Variants in TCF20 observed in about 807,000 individuals in gnomAD.
TCF20 encodes the protein transcription factor 20.
TCF20 carries 3 observed loss-of-function variants against 148.6 expected under a neutral mutation model. The ratio of observed to expected loss-of-function variants is 0.02; its 90% confidence interval spans 0.01 to 0.05. The LOEUF is 0.05. Among genes scored for constraint, TCF20 ranks in the 10% least tolerant of loss-of-function variants. The probability of loss-of-function intolerance (pLI) is 1.00; values close to 1 mark genes in which losing one functional copy is unlikely to be tolerated. For missense variants in TCF20, 2,350 were observed against 2,429.3 expected (o/e 0.97, Z 0.69); for synonymous variants, 1,049 against 909.5 (o/e 1.15, Z -2.76).
At chr22:42,266,678 C>G (rs1249715688) in intron 1 of TCF20, among the ~76,000 whole-genome samples, 2 of 152,188 alleles carry the variant, frequency 1.3e-5, no homozygotes, top group African/African-American at 4.8e-5. Flanking sequence ...ATTCGGGAGG[C>G]TGAGGCAGGG....
chr22:42,232,545 C>T (rs1448728635), intron 1 of TCF20, among the ~76,000 whole-genome samples: 1 of 152,112 alleles, frequency 6.6e-6, no homozygotes, highest in Non-Finnish European at 1.5e-5. Flanking sequence ...CTAGTTCGAT[C>T]GGCCGGGCGC....
chr22:42,275,295 T>G (rs1205620781), upstream of TCF20: 1 of 152,278 alleles, frequency 6.6e-6, no homozygotes, highest in Non-Finnish European at 1.5e-5. Context: ...TCGGACCCCA[T>G]GCCTGGAAGA....
intron 1 of TCF20, among the ~76,000 whole-genome samples, chr22:42,289,857 C>A: frequency 6.6e-6 from 1 of 152,170 alleles, no homozygotes; most frequent in East Asian, 1.9e-4. Flanking sequence ...CGCCCCCGAG[C>A]TTTTTCCCAT....
intron 1 of TCF20, among the ~76,000 whole-genome samples, chr22:42,241,255 T>C (rs1307646265): frequency 6.6e-6 from 1 of 152,168 alleles, no homozygotes; most frequent in Non-Finnish European, 1.5e-5. Flanking sequence ...ATAAACAATT[T>C]TTCAAATACC....
chr22:42,309,104 C>T (rs1362675782), intron 1 of TCF20, among the ~76,000 whole-genome samples: 1 of 152,084 alleles, frequency 6.6e-6, no homozygotes, highest in Non-Finnish European at 1.5e-5. Flanking sequence ...AGAGGCTGGC[C>T]TGGAAGGGGC....
At chr22:42,332,144 C>G (rs1045838761) in intron 1 of TCF20, among the ~76,000 whole-genome samples, 1 of 152,220 alleles carries the variant, frequency 6.6e-6, no homozygotes, top group Non-Finnish European at 1.5e-5. Context: ...ATAACTATTA[C>G]AAATGACATG....
At chr22:42,200,240 T>C (rs147722465) in intron 2 of TCF20, among the ~76,000 whole-genome samples, 15 of 152,334 alleles carry the variant, frequency 9.8e-5, no homozygotes, top group African/African-American at 1.4e-4. Flanking sequence ...TATTGGTATG[T>C]TGATGACCCC....
At chr22:42,181,194 C>CTTTTTTTTTTTTTTT in intron 2 of TCF20, among the ~76,000 whole-genome samples, 1 of 152,102 alleles carries the variant, frequency 6.6e-6, no homozygotes, top group African/African-American at 2.4e-5. Flanking sequence ...CTGCCACTTT[C>CTTTTTTTTTTTTTTT]TTTTTTTGAG....
At chr22:42,324,616 A>G (rs1208035133) in intron 1 of TCF20, among the ~76,000 whole-genome samples, 1 of 152,068 alleles carries the variant, frequency 6.6e-6, no homozygotes, top group Non-Finnish European at 1.5e-5. Flanking sequence ...GATAATCTCC[A>G]CCATCCGAGA....
At chr22:42,282,762 A>T (rs986002275) in intron 1 of TCF20, among the ~76,000 whole-genome samples, 4 of 152,104 alleles carry the variant, frequency 2.6e-5, no homozygotes, top group African/African-American at 9.7e-5. Context: ...CTCCGGGGTG[A>T]GCTGAGGAGG....
chr22:42,243,754 C>T (rs1924672064), intron 1 of TCF20, among the ~76,000 whole-genome samples: 1 of 152,162 alleles, frequency 6.6e-6, no homozygotes. Context: ...TAAACAGGAA[C>T]TCTCTTATTG....
chr22:42,196,499 G>A (rs1937605361), intron 2 of TCF20, among the ~76,000 whole-genome samples: 1 of 152,066 alleles, frequency 6.6e-6, no homozygotes. Flanking sequence ...AATAATTTGG[G>A]AACTGTCCTA....
chr22:42,167,885 G>A (rs1477939498), intron 5 of TCF20, among the ~76,000 whole-genome samples: 2 of 150,980 alleles, frequency 1.3e-5, no homozygotes, highest in East Asian at 3.9e-4. Context: ...ACCACGCACG[G>A]CTAATTTTTT....
rs779835446 is a variant in TCF20 at position 42,211,681 on chromosome 22, G to C, written c.3625C>G (p.Gln1209Glu). 6.2e-7 allele frequency: 1 copy of C among 1,614,134 alleles called. No homozygotes were observed. The highest frequency in any genetic ancestry group is 8.5e-7 in the Non-Finnish European group (1 of 1,180,016). Reference protein sequence around the residue: ...KSSGPPGMSSQKRYGPPHETD... With the variant: ...KSSGPPGMSSEKRYGPPHETD... ...TCATGGGGCGGCCCATACCTTTTTT[G>C]ACTGGACATTCCTGGAGGACCGCTG... The change falls in exon 2 of 6, where the codon CAA (glutamine) becomes GAA (glutamate). Residue 1209 changes from glutamine (Q) to glutamate (E), a missense_variant. By Grantham distance (29) the Gln-to-Glu change is conservative. Coordinates refer to ENST00000677622, the MANE Select transcript of TCF20 (RefSeq NM_001378418.1).
intron 1 of TCF20, among the ~76,000 whole-genome samples, chr22:42,319,136 A>G (rs1303212400): frequency 6.6e-6 from 1 of 152,166 alleles, no homozygotes; most frequent in Non-Finnish European, 1.5e-5. Flanking sequence ...CTAAGGAGGT[A>G]TGTGACCGTC....
chr22:42,304,861 C>A (rs1259083349), intron 1 of TCF20, among the ~76,000 whole-genome samples: 2 of 152,050 alleles, frequency 1.3e-5, no homozygotes, highest in Non-Finnish European at 2.9e-5. Context: ...CAGCTAAGGT[C>A]GGGCGCTGGG....
intron 1 of TCF20, among the ~76,000 whole-genome samples, chr22:42,316,010 T>C (rs971260265): frequency 9.4e-5 from 14 of 149,498 alleles, no homozygotes; most frequent in Non-Finnish European, 1.5e-4. Context: ...GGTTACTCGT[T>C]GTCAGGAGAA....
chr22:42,277,072 C>T (rs1036554556), intron 1 of TCF20: 3 of 152,266 alleles, frequency 2.0e-5, no homozygotes, highest in African/African-American at 7.2e-5. Context: ...TTCTCCAAAC[C>T]TTCTCTCCCA....
At chr22:42,296,527 G>A (rs1174830583) in intron 1 of TCF20, among the ~76,000 whole-genome samples, 3 of 152,222 alleles carry the variant, frequency 2.0e-5, no homozygotes, top group Non-Finnish European at 2.9e-5. Context: ...GCCCTGCGGC[G>A]TTCGAGCTGC....
Sources: allele counts gnomAD v4.1 joint callset (sites outside exome capture counted in the v4.1 genomes callset), GRCh38; gene constraint gnomAD v4.1.1; transcripts MANE v1.5; gene names NCBI Gene and HGNC (gene_info 2026-07-23, HGNC 2026-07-21).